TRPM3: variants seen among roughly 807,000 people sequenced by gnomAD.
The protein encoded by TRPM3 is long transient receptor potential channel 3.
A neutral mutation model predicts 181.2 loss-of-function variants in TRPM3; 77 were observed. That is an observed-to-expected ratio of 0.42 (90% CI 0.35 to 0.51). The LOEUF (loss-of-function observed/expected upper bound fraction) is 0.51, where lower values mean the gene tolerates loss of function less well. TRPM3 is among the 20% of genes least tolerant of loss of function. The probability of loss-of-function intolerance (pLI) is 0.01; values close to 1 mark genes in which losing one functional copy is unlikely to be tolerated. For synonymous variants in TRPM3, 745 were observed against 796.4 expected (o/e 0.94, Z 1.09); for missense variants, 1,759 against 2,196.7 (o/e 0.80, Z 3.98).
chr9:70,783,981 A>G, intron 7 of TRPM3, 124 bp downstream of exon 7: 1 of 1,467,512 alleles, frequency 6.8e-7, no homozygotes, highest in Non-Finnish European at 9.0e-7. Flanking sequence ...CATTTTTTAG[A>G]CAATTTGTTC....
chr9:71,340,752 A>G (rs1450565177), intron 1 of TRPM3, among the ~76,000 whole-genome samples: 1 of 152,136 alleles, frequency 6.6e-6, no homozygotes, highest in Non-Finnish European at 1.5e-5. Context: ...GACTAAAAGC[A>G]GTGACACCCA....
chr9:70,593,530 G>A (rs7873981), intron 21 of TRPM3, among the ~76,000 whole-genome samples: 2 of 152,168 alleles, frequency 1.3e-5, no homozygotes, highest in East Asian at 3.9e-4. Flanking sequence ...TACAGAAACT[G>A]TTCTAATTTA....
At chr9:70,660,112 G>A (rs1375654582) in intron 9 of TRPM3, among the ~76,000 whole-genome samples, 1 of 152,106 alleles carries the variant, frequency 6.6e-6, no homozygotes, top group Admixed American at 6.6e-5. Context: ...GATGAAACCT[G>A]AGATCAGAGA....
At chr9:71,223,356 A>G (rs1295334777) in intron 1 of TRPM3, among the ~76,000 whole-genome samples, 1 of 152,130 alleles carries the variant, frequency 6.6e-6, no homozygotes, top group Non-Finnish European at 1.5e-5. Context: ...AGGATCCATC[A>G]TCTGCTGACA....
chr9:71,374,371 C>CA (rs1027530474), intron 1 of TRPM3, among the ~76,000 whole-genome samples: 1 of 149,484 alleles, frequency 6.7e-6, no homozygotes, highest in Non-Finnish European at 1.5e-5. Flanking sequence ...GACTCCGTGT[C>CA]AAAAAAACAA....
intron 1 of TRPM3, among the ~76,000 whole-genome samples, chr9:71,318,885 C>G (rs148945237): frequency 4.3e-4 from 65 of 152,156 alleles, no homozygotes; most frequent in African/African-American, 1.4e-3. Context: ...GCCCCCTAAA[C>G]TTTCCCTTGG....
chr9:71,431,191 CAGAG>C (rs143109517), intron 1 of TRPM3, among the ~76,000 whole-genome samples: 9 of 151,040 alleles, frequency 6.0e-5, no homozygotes, highest in East Asian at 1.9e-4. Flanking sequence ...CACACACACA[CAGAG>C]AGAGAGAGAG....
At chr9:71,176,652 G>A (rs932657164) in intron 1 of TRPM3, among the ~76,000 whole-genome samples, 3 of 151,850 alleles carry the variant, frequency 2.0e-5, no homozygotes, top group Non-Finnish European at 4.4e-5. Context: ...AATGTCCTAG[G>A]CCTTCACATT....
chr9:70,744,111 C>G (rs371416177), intron 8 of TRPM3, among the ~76,000 whole-genome samples: 2 of 151,696 alleles, frequency 1.3e-5, no homozygotes, highest in Admixed American at 6.6e-5. Context: ...GTGAATCACC[C>G]GAGGTCAGGA....
At position 71,121,378 on chromosome 9, in the gene TRPM3, A is replaced by C. The variant is rs763739542; in HGVS notation, c.-24T>G. ...ATCCCATGGTCATCTCCACACCTGC[A>C]AATTCCATTAGGGCAGAGGCTTCCT... On this transcript the variant is annotated 5_prime_UTR_variant, in exon 1 of 26. Coordinates refer to ENST00000677713, the MANE Select transcript of TRPM3 (RefSeq NM_001366145.2). The C allele has an allele frequency of 3.1e-5, 50 of 1,610,716 alleles. No individual in the cohort carries two copies. Among genetic ancestry groups the C allele is most frequent in the Non-Finnish European group, 4.0e-5 (47 of 1,178,716 alleles).
At chr9:71,185,191 T>A (rs79086018) in intron 1 of TRPM3, among the ~76,000 whole-genome samples, 68 of 152,094 alleles carry the variant, frequency 4.5e-4, no homozygotes, top group African/African-American at 1.6e-3. Flanking sequence ...AAAAATCCAG[T>A]GTGTAACTGA....
At chr9:71,097,381 T>C (rs1322627277) in intron 1 of TRPM3, among the ~76,000 whole-genome samples, 1 of 152,140 alleles carries the variant, frequency 6.6e-6, no homozygotes, top group Non-Finnish European at 1.5e-5. Context: ...ATATGTAGTA[T>C]ATATTAAGGG....
intron 1 of TRPM3, among the ~76,000 whole-genome samples, chr9:70,971,565 A>C (rs553171081): frequency 6.6e-6 from 1 of 152,282 alleles, no homozygotes; most frequent in Non-Finnish European, 1.5e-5. Context: ...TCTTGTGAAG[A>C]AGAAAGTGAG....
At chr9:70,544,392 C>G (rs1164225233) in intron 25 of TRPM3, among the ~76,000 whole-genome samples, 1 of 151,990 alleles carries the variant, frequency 6.6e-6, no homozygotes, top group African/African-American at 2.4e-5. Flanking sequence ...ATAATCAAGA[C>G]CAATATATTG....
At chr9:71,143,426 G>A (rs1225490752) in intron 1 of TRPM3, among the ~76,000 whole-genome samples, 3 of 152,096 alleles carry the variant, frequency 2.0e-5, no homozygotes, top group East Asian at 1.9e-4. Flanking sequence ...ACTTACAAGT[G>A]GGAATATGTG....
chr9:71,318,798 T>C (rs564542645), intron 1 of TRPM3, among the ~76,000 whole-genome samples: 2 of 152,274 alleles, frequency 1.3e-5, no homozygotes, highest in South Asian at 2.1e-4. Flanking sequence ...ATAAACTTTA[T>C]GTATTTACAG....
At chr9:70,917,350 C>G in intron 1 of TRPM3, 1 of 1,103,344 alleles carries the variant, frequency 9.1e-7, no homozygotes, top group Non-Finnish European at 1.4e-6. Flanking sequence ...GAGATACTCC[C>G]AAGTCCAAGA....
intron 1 of TRPM3, among the ~76,000 whole-genome samples, chr9:71,001,945 T>A (rs964045337): frequency 1.7e-4 from 26 of 152,336 alleles, no homozygotes; most frequent in Admixed American, 4.6e-4. Flanking sequence ...ATGGCAGGTG[T>A]GCCAGAGACC....
At chr9:70,738,848 C>A (rs1378015173) in intron 8 of TRPM3, among the ~76,000 whole-genome samples, 1 of 152,014 alleles carries the variant, frequency 6.6e-6, no homozygotes, top group Admixed American at 6.6e-5. Context: ...TACATGAACA[C>A]CTTTATGTGC....
Sources: allele counts gnomAD v4.1 joint callset (sites outside exome capture counted in the v4.1 genomes callset), GRCh38; gene constraint gnomAD v4.1.1; transcripts MANE v1.5; gene names NCBI Gene and HGNC (gene_info 2026-07-23, HGNC 2026-07-21).